LRRC41: variants seen among roughly 807,000 people sequenced by gnomAD.
LRRC41 encodes leucine-rich repeat-containing protein 41.
LRRC41 carries 17 observed loss-of-function variants against 72.1 expected under a neutral mutation model. That is an observed-to-expected ratio of 0.24 (90% CI 0.16 to 0.35). The LOEUF (loss-of-function observed/expected upper bound fraction) is 0.35, where lower values mean the gene tolerates loss of function less well. Ranked by LOEUF, LRRC41 falls within the 10% of genes least tolerant of loss-of-function variation. LRRC41 has a pLI of 1.00. For missense variants in LRRC41, 759 were observed against 1,065.0 expected (o/e 0.71, Z 4.00); for synonymous variants, 427 against 431.0 (o/e 0.99, Z 0.11).
In LRRC41 at chr1:46,281,395, G is replaced by T; in HGVS notation, c.1496-10C>A. ...ATGTTAGAGCCCAGGCCTATGGCAA[G>T]AAAGAGATTAAGTCAGAACCATGTG... On this transcript the variant is annotated splice_polypyrimidine_tract_variant and intron_variant, in intron 4 of 9. Coordinates refer to ENST00000617190, the MANE Select transcript of LRRC41 (RefSeq NM_006369.5). 1 of 1,613,838 alleles carries T rather than the reference G, an allele frequency of 6.2e-7. No individual in the cohort carries two copies. Among genetic ancestry groups the T allele is most frequent in the East Asian group, 2.2e-5 (1 of 44,880 alleles).
At chr1:46,293,229 G>A (rs1277048717) in intron 3 of LRRC41, among the ~76,000 whole-genome samples, 1 of 151,576 alleles carries the variant, frequency 6.6e-6, no homozygotes, top group Non-Finnish European at 1.5e-5. Flanking sequence ...GATTAGGATG[G>A]TCACTTTTAT....
At chr1:46,289,715 C>G (rs530280416) in intron 3 of LRRC41, among the ~76,000 whole-genome samples, 5 of 152,068 alleles carry the variant, frequency 3.3e-5, no homozygotes, top group African/African-American at 7.2e-5. Flanking sequence ...GAGCTGAGAT[C>G]GCGCCACTGC....
At chr1:46,287,351 G>T (rs896756916) in intron 3 of LRRC41, among the ~76,000 whole-genome samples, 4 of 151,504 alleles carry the variant, frequency 2.6e-5, no homozygotes, top group African/African-American at 9.7e-5. Flanking sequence ...CTCATGATCC[G>T]CCCGCCTCGG....
At position 46,281,086 on chromosome 1, in the gene LRRC41, C is replaced by T. The variant is rs200420627; in HGVS notation, c.1756+39G>A. The T allele has an allele frequency of 5.9e-4, 954 of 1,605,286 alleles. 4 individuals are homozygous for T. Among genetic ancestry groups the T allele is most frequent in the South Asian group, 2.8e-3 (255 of 90,046 alleles). On this transcript the variant is annotated intron_variant, in intron 5 of 9. Coordinates refer to ENST00000617190, the MANE Select transcript of LRRC41 (RefSeq NM_006369.5). ...ATCTGCACCTTTGTGTGGGGATACA[C>T]GTGCGTGCACACACACAAACACACA...
intron 4 of LRRC41, among the ~76,000 whole-genome samples, chr1:46,284,853 C>A (rs375886523): frequency 6.6e-6 from 1 of 152,166 alleles, no homozygotes; most frequent in East Asian, 1.9e-4. Context: ...TAGCAGTGCT[C>A]AGCAACCTAG....
At position 46,281,402 on chromosome 1, in the gene LRRC41, A is replaced by G; in HGVS notation, c.1496-17T>C. The G allele has an allele frequency of 1.2e-6, 2 of 1,613,638 alleles. No individual in the cohort carries two copies. The highest frequency in any genetic ancestry group is 1.7e-6 in the Non-Finnish European group (2 of 1,179,624). ...AGCCCAGGCCTATGGCAAGAAAGAG[A>G]TTAAGTCAGAACCATGTGGGAGTGT... is the stretch of plus-strand genomic sequence containing the variant. On this transcript the variant is annotated splice_polypyrimidine_tract_variant and intron_variant, in intron 4 of 9. Coordinates refer to ENST00000617190, the MANE Select transcript of LRRC41 (RefSeq NM_006369.5).
At position 46,279,283 on chromosome 1, in the gene LRRC41, C is replaced by T; in HGVS notation, c.2144-26G>A. Reference sequence around the variant, plus strand: ...CTGGAGAGAAGGGGAGAACGCCTATCACCTCCACCCAAGAACAGGGGACAA... The same window carrying T: ...CTGGAGAGAAGGGGAGAACGCCTATTACCTCCACCCAAGAACAGGGGACAA... On this transcript the variant is annotated intron_variant, in intron 8 of 9. Transcript: ENST00000617190. This position sits in a 1 kb window ranked among gnomAD's most constrained non-coding sequence, Gnocchi z 4.5. 6.2e-7 allele frequency: 1 copy of T among 1,611,596 alleles called. No individual in the cohort carries two copies. Among genetic ancestry groups the T allele is most frequent in the Non-Finnish European group, 8.5e-7 (1 of 1,177,726 alleles).
At chr1:46,296,857 A>G (rs571044164) in intron 3 of LRRC41, 1 of 152,338 alleles carries the variant, frequency 6.6e-6, no homozygotes, top group Admixed American at 6.5e-5. Context: ...ATTAGCTTCC[A>G]TCCAGAACAA....
At chr1:46,294,496 C>T (rs916890304) in intron 3 of LRRC41, among the ~76,000 whole-genome samples, 4 of 151,692 alleles carry the variant, frequency 2.6e-5, no homozygotes, top group Middle Eastern at 3.2e-3. Context: ...CTCCTAGGCT[C>T]AAGCTATTCC....
At position 46,302,786 on chromosome 1, in the gene LRRC41, T is replaced by C. The variant is rs1288552443; in HGVS notation, c.199+338A>G. 1.0e-6 allele frequency: 1 copy of C among 984,956 alleles called. No homozygotes were observed. Among genetic ancestry groups the C allele is most frequent in the African/African-American group, 1.8e-5 (1 of 57,116 alleles). The allele number at this position is 984,956 out of a possible 1,614,324, so 61.0% of individuals were successfully genotyped here. ...ACCGGTTCGACATCCGAGACTCTCC[T>C]GCCCGGCCCAGCCGAGTGTCAGTTC... On this transcript the variant is annotated intron_variant, in intron 1 of 9. Transcript: ENST00000617190. The surrounding 1 kb of genome is among the most constrained non-coding windows in gnomAD (Gnocchi z 4.7).
In LRRC41 at chr1:46,278,564, G is replaced by A. The variant is rs955210275; in HGVS notation, c.*301C>T. Reference sequence around the variant, plus strand: ...GGTGCCTGCTTGAGGAGGGAAGGCAGGAACCCAGGGGCAGGGGAGGGGATC... The same window carrying A: ...GGTGCCTGCTTGAGGAGGGAAGGCAAGAACCCAGGGGCAGGGGAGGGGATC... On this transcript the variant is annotated 3_prime_UTR_variant, in exon 10 of 10. Transcript: ENST00000617190. 1 of 609,036 alleles carries A rather than the reference G, an allele frequency of 1.6e-6. No individual in the cohort carries two copies. Among genetic ancestry groups the A allele is most frequent in the Admixed American group, 3.0e-5 (1 of 33,882 alleles). The allele number at this position is 609,036 out of a possible 1,614,324, so 37.7% of individuals were successfully genotyped here.
At chr1:46,293,658 C>T (rs1211785747) in intron 3 of LRRC41, among the ~76,000 whole-genome samples, 1 of 152,200 alleles carries the variant, frequency 6.6e-6, no homozygotes, top group Non-Finnish European at 1.5e-5. Flanking sequence ...CAACCTCTGC[C>T]TCTTGGGTTC....
In LRRC41 at chr1:46,302,061, A is replaced by ACAGCCCCGCCTCC. The variant is rs1557720536; in HGVS notation, c.199+1050_199+1062dup. The ACAGCCCCGCCTCC allele has an allele frequency of 1.0e-6, 1 of 984,554 alleles. No individual in the cohort carries two copies. The highest frequency in any genetic ancestry group is 6.2e-5 in the Admixed American group (1 of 16,224). 61.0% of individuals were successfully genotyped at this position (984,554 alleles called of 1,614,324 possible). A position where few individuals can be genotyped will look rare whatever the true frequency, so the allele number is the denominator to read the frequency against. On this transcript the variant is annotated intron_variant, in intron 1 of 9. Coordinates refer to ENST00000617190, the MANE Select transcript of LRRC41 (RefSeq NM_006369.5). The surrounding 1 kb of genome is among the most constrained non-coding windows in gnomAD (Gnocchi z 4.7). ...GGCCGCGGCCAGCGGTCCCCAACCC[A>ACAGCCCCGCCTCC]CAGCCCCGCCTCCCAGCCCAACTGG...
intron 3 of LRRC41, among the ~76,000 whole-genome samples, chr1:46,293,698 G>A (rs546681357): frequency 6.6e-6 from 1 of 151,656 alleles, no homozygotes; most frequent in Non-Finnish European, 1.5e-5. Context: ...GCCTCCCAAG[G>A]AGCTTGGATT....
Position 46,302,933 on chromosome 1 carries a change from C to G in LRRC41, c.199+191G>C, listed in dbSNP as rs1661274575. 1 of 985,342 alleles carries G rather than the reference C, an allele frequency of 1.0e-6. No homozygotes were observed. The allele number at this position is 985,342 out of a possible 1,614,324, so 61.0% of individuals were successfully genotyped here. On this transcript the variant is annotated intron_variant, in intron 1 of 9. Coordinates refer to ENST00000617190, the MANE Select transcript of LRRC41 (RefSeq NM_006369.5). This position sits in a 1 kb window ranked among gnomAD's most constrained non-coding sequence, Gnocchi z 4.7. ...CAGGCCGCGGTGCGGGTCAGCCTGCCCATTTAGGTCTCCGTCTTTACTCTG... is the reference window on the plus strand; with the variant it reads ...CAGGCCGCGGTGCGGGTCAGCCTGCGCATTTAGGTCTCCGTCTTTACTCTG...
intron 3 of LRRC41, among the ~76,000 whole-genome samples, chr1:46,294,564 CT>C (rs763949034): frequency 6.8e-6 from 1 of 146,540 alleles, no homozygotes; most frequent in East Asian, 2.0e-4. Context: ...GTACCCGACT[CT>C]TGTGCCTTTA....
intron 1 of LRRC41, chr1:46,299,302 C>G (rs1261492337): frequency 1.3e-5 from 2 of 152,686 alleles, no homozygotes; most frequent in African/African-American, 2.4e-5. Flanking sequence ...CACCTGTAAT[C>G]CCAGCACTTT....
In LRRC41 at chr1:46,285,927, G is replaced by A. The variant is rs1472860893; in HGVS notation, c.930C>T (p.Ala310=). 2 of 1,536,950 alleles carry A rather than the reference G, an allele frequency of 1.3e-6. No homozygotes were observed. The highest frequency in any genetic ancestry group is 2.8e-5 in the African/African-American group (2 of 72,442). ...ALMASRRKSE[A]KQMPRAAPAT... is the part of the protein sequence containing the mutation. ...CAGGTGCAGCTCTGGGCATCTGCTT[G>A]GCTTCACTCTTACGCCGGCTGGCCA... The change falls in exon 4 of 10, where the codon GCC becomes GCT. Residue 310 remains alanine, a synonymous_variant. Coordinates refer to ENST00000617190, the MANE Select transcript of LRRC41 (RefSeq NM_006369.5). This position sits in a 1 kb window ranked among gnomAD's most constrained non-coding sequence, Gnocchi z 5.3.
Position 46,285,918 on chromosome 1 carries a change from C to A in LRRC41, c.939G>T (p.Met313Ile), listed in dbSNP as rs1482771793. 9.1e-6 allele frequency: 14 copies of A among 1,539,514 alleles called. No homozygotes were observed. The highest frequency in any genetic ancestry group is 1.0e-5 in the Non-Finnish European group (12 of 1,145,608). ...ASRRKSEAKQ[M>I]PRAAPATRVT... ...CCCGAGTGGCAGGTGCAGCTCTGGG[C>A]ATCTGCTTGGCTTCACTCTTACGCC... The change falls in exon 4 of 10, where the codon ATG (methionine) becomes ATT (isoleucine). Residue 313 changes from methionine (M) to isoleucine (I), a missense_variant. This residue lies in a region of LRRC41 where 427 missense variants were observed against 520.9 expected (regional missense o/e 0.82). Transcript: ENST00000617190. The surrounding 1 kb of genome is among the most constrained non-coding windows in gnomAD (Gnocchi z 5.3).
Sources: gnomAD v4.1 joint callset for allele counts (sites outside exome capture counted in the v4.1 genomes callset) on GRCh38, gnomAD v4.1.1 for gene constraint, gnomAD v4.1.1 regional missense constraint, Gnocchi (gnomAD v3.1) non-coding constraint, MANE v1.5 for transcripts, NCBI Gene and HGNC (gene_info 2026-07-23, HGNC 2026-07-21) for gene names.